The following REEP1 variants were observed in gnomAD, a reference collection of about 807,000 sequenced individuals.
REEP1 encodes receptor expression-enhancing protein 1.
In REEP1, 22 loss-of-function variants were observed where a neutral mutation model predicts 40.3. The ratio of observed to expected loss-of-function variants is 0.55; its 90% CI spans 0.39 to 0.78. REEP1 has a LOEUF of 0.78. REEP1 is among the 30% of genes least tolerant of loss of function. REEP1 has a pLI of 0.00. For missense variants in REEP1, 280 were observed against 361.1 expected (o/e 0.78, Z 1.82); for synonymous variants, 116 against 139.2 (o/e 0.83, Z 1.17).
intron 5 of REEP1, among the ~76,000 whole-genome samples, chr2:86,240,843 T>C (rs1675630583): frequency 6.6e-6 from 1 of 152,212 alleles, no homozygotes. Context: ...CGTGGTTATC[T>C]GGAATACAGA....
At chr2:86,321,366 G>T (rs1680264378) in intron 1 of REEP1, among the ~76,000 whole-genome samples, 1 of 152,178 alleles carries the variant, frequency 6.6e-6, no homozygotes, top group African/African-American at 2.4e-5. Context: ...CTGGCTCTGA[G>T]CAGTTTACTG....
intron 5 of REEP1, among the ~76,000 whole-genome samples, chr2:86,245,828 T>A (rs984816684): frequency 1.3e-5 from 2 of 151,132 alleles, no homozygotes; most frequent in Non-Finnish European, 3.0e-5. Context: ...GCAGTGGTGC[T>A]ATCTTGGCTC....
chr2:86,280,291 T>C (rs890367681), intron 2 of REEP1, among the ~76,000 whole-genome samples: 3 of 152,238 alleles, frequency 2.0e-5, no homozygotes, highest in African/African-American at 4.8e-5. Flanking sequence ...GGGAAAAGCA[T>C]GTGCTCAGCA....
At chr2:86,222,818 A>G (rs1463720993) in intron 7 of REEP1, among the ~76,000 whole-genome samples, 1 of 152,170 alleles carries the variant, frequency 6.6e-6, no homozygotes, top group Non-Finnish European at 1.5e-5. Context: ...AATGAACCCC[A>G]CAGAACATAG....
At chr2:86,244,374 T>A (rs1675820600) in intron 5 of REEP1, among the ~76,000 whole-genome samples, 1 of 150,262 alleles carries the variant, frequency 6.7e-6, no homozygotes, top group African/African-American at 2.5e-5. Flanking sequence ...AAGGAAAGAG[T>A]GGGAAAATTT....
intron 1 of REEP1, among the ~76,000 whole-genome samples, chr2:86,324,983 C>CAA (rs1680437048): frequency 6.6e-6 from 1 of 152,224 alleles, no homozygotes; most frequent in Non-Finnish European, 1.5e-5. Context: ...GTTCACTGTA[C>CAA]TATTATCCAT....
At chr2:86,250,808 G>A (rs979491396) in intron 5 of REEP1, among the ~76,000 whole-genome samples, 3 of 152,164 alleles carry the variant, frequency 2.0e-5, no homozygotes, top group African/African-American at 4.8e-5. Context: ...ACCCGGCCCA[G>A]TGTGCTGAGT....
chr2:86,239,872 T>C (rs992941544), intron 5 of REEP1: 3 of 152,324 alleles, frequency 2.0e-5, no homozygotes, highest in East Asian at 1.9e-4. Context: ...GTGCCCCACA[T>C]GGATTAACAC....
chr2:86,263,608 A>C (rs1371521537), intron 3 of REEP1, among the ~76,000 whole-genome samples: 3 of 152,204 alleles, frequency 2.0e-5, no homozygotes, highest in Non-Finnish European at 4.4e-5. Context: ...TTGAGTGAGA[A>C]GGAAACTCAG....
chr2:86,265,895 T>C (rs535446863), intron 2 of REEP1, among the ~76,000 whole-genome samples: 2 of 152,308 alleles, frequency 1.3e-5, no homozygotes, highest in African/African-American at 4.8e-5. Context: ...CTATGTAATA[T>C]ATCCACGTAA....
intron 2 of REEP1, among the ~76,000 whole-genome samples, chr2:86,276,579 G>A (rs746747515): frequency 4.6e-5 from 7 of 152,214 alleles, no homozygotes; most frequent in African/African-American, 7.2e-5. Context: ...TGGCATTGGA[G>A]GGTTCCGAAA....
Position 86,337,526 on chromosome 2 carries a change from G to A in REEP1, c.-16C>T. ...ATGACACCATGGCGGGCAGGCGGGC[G>A]GGCGAGGCCCGGGCGGCGCGGCTCG... is the stretch of plus-strand genomic sequence containing the variant. On this transcript the variant is annotated 5_prime_UTR_variant, in exon 1 of 9. Coordinates refer to ENST00000538924, the MANE Select transcript of REEP1 (RefSeq NM_001371279.1). The surrounding 1 kb of genome is among the most constrained non-coding windows in gnomAD (Gnocchi z 5.8). The A allele has an allele frequency of 7.9e-7, 1 of 1,267,048 alleles. No individual in the cohort carries two copies. The highest frequency in any genetic ancestry group is 1.0e-6 in the Non-Finnish European group (1 of 1,002,468). The allele number at this position is 1,267,048 out of a possible 1,614,324, so 78.5% of individuals were successfully genotyped here.
intron 2 of REEP1, among the ~76,000 whole-genome samples, chr2:86,274,579 T>C (rs1202563000): frequency 6.6e-6 from 1 of 152,212 alleles, no homozygotes; most frequent in Non-Finnish European, 1.5e-5. Context: ...CTCGTGGAAA[T>C]CAAATGACAG....
chr2:86,249,075 A>ACAG (rs1558887312), intron 5 of REEP1, among the ~76,000 whole-genome samples: 4 of 152,168 alleles, frequency 2.6e-5, no homozygotes, highest in African/African-American at 9.7e-5. Context: ...CCTGGCCAAC[A>ACAG]TGGCAAAACC....
At chr2:86,237,292 C>T (rs1031572382) in intron 5 of REEP1, among the ~76,000 whole-genome samples, 2 of 152,134 alleles carry the variant, frequency 1.3e-5, no homozygotes, top group Non-Finnish European at 2.9e-5. Context: ...AAAGTGGCAG[C>T]ATCAAAACTG....
chr2:86,220,982 C>A (rs891497145), intron 7 of REEP1, among the ~76,000 whole-genome samples: 1 of 152,158 alleles, frequency 6.6e-6, no homozygotes, highest in Non-Finnish European at 1.5e-5. Flanking sequence ...TCTGGTATCA[C>A]ACACACACAT....
chr2:86,318,577 T>C (rs1680140222), intron 1 of REEP1, among the ~76,000 whole-genome samples: 1 of 152,056 alleles, frequency 6.6e-6, no homozygotes, highest in Non-Finnish European at 1.5e-5. Context: ...TTTGTATTTT[T>C]AGTAGAGACG....
chr2:86,245,446 C>T (rs1378136944), intron 5 of REEP1, among the ~76,000 whole-genome samples: 1 of 152,230 alleles, frequency 6.6e-6, no homozygotes, highest in Non-Finnish European at 1.5e-5. Flanking sequence ...CCACTAGCTA[C>T]TCTCCGATAA....
intron 4 of REEP1, 68 bp downstream of exon 4, chr2:86,254,626 T>A: frequency 6.6e-7 from 1 of 1,525,276 alleles, no homozygotes; most frequent in Non-Finnish European, 9.0e-7. Flanking sequence ...AATAAGATCA[T>A]CCCTTTTTAT....
Sources: allele counts gnomAD v4.1 joint callset (sites outside exome capture counted in the v4.1 genomes callset), GRCh38; gene constraint gnomAD v4.1.1; non-coding constraint Gnocchi (gnomAD v3.1); transcripts MANE v1.5; gene names NCBI Gene and HGNC (gene_info 2026-07-23, HGNC 2026-07-21).